Variants in ATAT1 observed in about 807,000 individuals in gnomAD.
The protein encoded by ATAT1 is alpha tubulin acetyltransferase 1.
In ATAT1, 42 loss-of-function variants were observed where a neutral mutation model predicts 57.2. The ratio of observed to expected loss-of-function variants is 0.73; its 90% CI spans 0.57 to 0.95. ATAT1 has a LOEUF of 0.95. Among genes scored for constraint, ATAT1 ranks in the 40% least tolerant of loss-of-function variants. The pLI is 0.00. For missense variants in ATAT1, 454 were observed against 523.7 expected (o/e 0.87, Z 1.30); for synonymous variants, 168 against 187.1 (o/e 0.90, Z 0.83).
chr6:30,630,914 G>C (rs1762723153), intron 6 of ATAT1, among the ~76,000 whole-genome samples: 1 of 151,936 alleles, frequency 6.6e-6, no homozygotes, highest in Non-Finnish European at 1.5e-5. Flanking sequence ...CTCCACCCTG[G>C]GGGACGAAGC....
In ATAT1 at chr6:30,633,712, G is replaced by A. The variant is rs773658030; in HGVS notation, c.501+5282G>A. The A allele has an allele frequency of 6.1e-5, 13 of 213,486 alleles. 1 individual carries two copies. The Admixed American group carries it at 6.8e-4, about 11-fold the overall frequency. The allele number at this position is 213,486 out of a possible 1,614,324, so 13.2% of individuals were successfully genotyped here. ...AGAAGTTGTGGAGGAGGCAGAAAGT[G>A]GAAGAGACGCCCATGCTAACGGGAA... is the stretch of plus-strand genomic sequence containing the variant. On this transcript the variant is annotated intron_variant, in intron 6 of 12. Transcript: ENST00000330083.
At position 30,642,328 on chromosome 6, in the gene ATAT1, G is replaced by A. The variant is rs1363329327; in HGVS notation, c.688+81G>A. 5.1e-6 allele frequency: 8 copies of A among 1,582,268 alleles called. No individual in the cohort carries two copies. The African/African-American group carries it at 9.5e-5, about 19-fold the overall frequency. Reference sequence around the variant, plus strand: ...AGAATGCTCAGGGGACCCAGGGAAAGGATTCGTTCTCTCTAAAGACTCAGA... The same window carrying A: ...AGAATGCTCAGGGGACCCAGGGAAAAGATTCGTTCTCTCTAAAGACTCAGA... On this transcript the variant is annotated intron_variant, in intron 9 of 12. Transcript: ENST00000330083.
At chr6:30,646,169 T>C (rs1265704511) in intron 12 of ATAT1, 60 bp downstream of exon 12, 6 of 1,571,074 alleles carry the variant, frequency 3.8e-6, no homozygotes, top group Non-Finnish European at 5.2e-6. Flanking sequence ...CTTCCTAACA[T>C]CATTCTCAGT....
rs938614306 is a variant in ATAT1 at position 30,626,954 on chromosome 6, G to T, written c.-250G>T. 6.2e-7 allele frequency: 1 copy of T among 1,606,682 alleles called. No homozygotes were observed. The highest frequency in any genetic ancestry group is 8.5e-7 in the Non-Finnish European group (1 of 1,177,294). ...TCACGGTGCTGGACCAGCACCTGAG[G>T]CCCCCAGCCCGCCGACCCGGAACCA... is the stretch of plus-strand genomic sequence containing the variant. On this transcript the variant is annotated 5_prime_UTR_variant, in exon 1 of 13. Coordinates refer to ENST00000330083, the MANE Select transcript of ATAT1 (RefSeq NM_001031722.4).
At chr6:30,641,112 CACAT>C (rs146345189) in intron 8 of ATAT1, among the ~76,000 whole-genome samples, 4,100 of 148,200 alleles carry the variant, frequency 0.028, 155 homozygotes, top group African/African-American at 0.084. Context: ...CCCATATACA[CACAT>C]ACACACACAC....
chr6:30,644,362 C>T (rs539153058), intron 10 of ATAT1: 1 of 985,844 alleles, frequency 1.0e-6, no homozygotes, highest in South Asian at 4.7e-5. Context: ...CCGATATACT[C>T]CTGTCTTGTG....
Position 30,627,247 on chromosome 6 carries a change from G to A in ATAT1, c.44G>A (p.Arg15Lys). Residue 15 changes from arginine (R) to lysine (K), a missense_variant, in exon 1 of 13, where the codon AGG becomes AAG. This residue lies in a region of ATAT1 where 236 missense variants were observed against 284.5 expected (regional missense o/e 0.83). Coordinates refer to ENST00000330083, the MANE Select transcript of ATAT1 (RefSeq NM_001031722.4). ...TTCTGCTTCCTCACAATAACCTTAA[G>A]GGAGGAGGGAGTGTGCCACCTTGAA... The A allele has an allele frequency of 1.2e-6, 2 of 1,613,948 alleles. No individual in the cohort carries two copies. Among genetic ancestry groups the A allele is most frequent in the Non-Finnish European group, 1.7e-6 (2 of 1,179,892 alleles).
At position 30,627,492 on chromosome 6, in the gene ATAT1, T is replaced by G. The variant is rs754026516; in HGVS notation, c.104T>G (p.Ile35Arg). 6.2e-7 allele frequency: 1 copy of G among 1,613,538 alleles called. No homozygotes were observed. The highest frequency in any genetic ancestry group is 8.5e-7 in the Non-Finnish European group (1 of 1,179,854). Residue 35 changes from isoleucine (I) to arginine (R), a missense_variant, in exon 2 of 13, where the codon ATA (isoleucine) becomes AGA (arginine). This residue lies in a region of ATAT1 where 236 missense variants were observed against 284.5 expected (regional missense o/e 0.83). Coordinates refer to ENST00000330083, the MANE Select transcript of ATAT1 (RefSeq NM_001031722.4). The stretch of plus-strand genomic sequence containing the variant: ...CTACAGCAGCAAATTATGACCATTA[T>G]AGATGAACTGGGCAAGGCTTCTGCC...
intron 6 of ATAT1, 131 bp downstream of exon 6, chr6:30,628,561 CT>C: frequency 1.3e-6 from 1 of 742,258 alleles, no homozygotes; most frequent in Non-Finnish European, 2.2e-6. Context: ...CTTTCTTTCT[CT>C]TGTGGTACCA....
At chr6:30,631,547 G>A (rs1033941091) in intron 6 of ATAT1, among the ~76,000 whole-genome samples, 8 of 152,084 alleles carry the variant, frequency 5.3e-5, no homozygotes, top group African/African-American at 1.9e-4. Flanking sequence ...GGGAGGCCGA[G>A]GTGGGTGGAT....
intron 12 of ATAT1, 25 bp downstream of exon 12, chr6:30,646,134 C>T (rs765341594): frequency 1.2e-6 from 2 of 1,600,990 alleles, no homozygotes; most frequent in Non-Finnish European, 1.7e-6. Context: ...CCTCCCCTAA[C>T]AGCCTCCCAC....
intron 10 of ATAT1, 77 bp downstream of exon 10, chr6:30,643,088 C>T (rs1401199968): frequency 8.5e-6 from 13 of 1,525,086 alleles, no homozygotes; most frequent in Non-Finnish European, 9.7e-6. Context: ...CAATTTGAAT[C>T]CATCAGAGAG....
chr6:30,638,549 C>T (rs1019096965), intron 6 of ATAT1, among the ~76,000 whole-genome samples: 1 of 151,046 alleles, frequency 6.6e-6, no homozygotes, highest in Non-Finnish European at 1.5e-5. Flanking sequence ...GGATTACAGG[C>T]GTGATCCACC....
rs2188098 is a variant in ATAT1, at chr6:30,646,203, T to C, written c.1055+94T>C. 12,333 of 1,522,544 alleles carry C rather than the reference T, an allele frequency of 8.1e-3. 73 individuals carry two copies. The highest frequency in any genetic ancestry group is 0.023 in the African/African-American group (1,668 of 72,486). The allele number at this position is 1,522,544 out of a possible 1,614,324, so 94.3% of individuals were successfully genotyped here. A position where few individuals can be genotyped will look rare whatever the true frequency, so the allele number is the denominator to read the frequency against. On this transcript the variant is annotated intron_variant, in intron 12 of 12. Coordinates refer to ENST00000330083, the MANE Select transcript of ATAT1 (RefSeq NM_001031722.4). Reference sequence around the variant, plus strand: ...GTCACTTCCTACTCTTAAATCTTATTGTATGAACTGGACACCAGCTCCTCC... The same window carrying C: ...GTCACTTCCTACTCTTAAATCTTATCGTATGAACTGGACACCAGCTCCTCC...
chr6:30,638,438 G>A (rs1274610893), intron 6 of ATAT1, among the ~76,000 whole-genome samples: 1 of 151,772 alleles, frequency 6.6e-6, no homozygotes, highest in Non-Finnish European at 1.5e-5. Context: ...GATTACAGGC[G>A]CACGTCACCA....
rs1761921822 is a variant in ATAT1, at chr6:30,627,441, A to C, written c.72-19A>C. On this transcript the variant is annotated intron_variant, in intron 1 of 12. Transcript: ENST00000330083. ...TAATTTAGTGAGTATCTGACTCTTT[A>C]TTTCTTCTCTTTCTCTAGTGTTGAT... 1.1e-5 allele frequency: 18 copies of C among 1,611,396 alleles called. 1 individual carries two copies. The highest frequency in any genetic ancestry group is 1.4e-5 in the Non-Finnish European group (17 of 1,177,804).
chr6:30,636,100 G>T (rs1764017493), intron 6 of ATAT1, among the ~76,000 whole-genome samples: 1 of 152,154 alleles, frequency 6.6e-6, no homozygotes, highest in Non-Finnish European at 1.5e-5. Context: ...TTAATCCATT[G>T]TAACATGATT....
intron 10 of ATAT1, chr6:30,643,964 T>G: frequency 1.9e-6 from 2 of 1,053,966 alleles, no homozygotes; most frequent in Middle Eastern, 4.5e-4. Flanking sequence ...ATCTATGGGA[T>G]AAACCCCATA....
intron 10 of ATAT1, chr6:30,643,458 T>C: frequency 6.5e-7 from 1 of 1,546,336 alleles, no homozygotes; most frequent in South Asian, 1.2e-5. Context: ...CTCTGACTTC[T>C]CTGTTTTTCT....
Sources: gnomAD v4.1 joint callset for allele counts (sites outside exome capture counted in the v4.1 genomes callset) on GRCh38, gnomAD v4.1.1 for gene constraint, gnomAD v4.1.1 regional missense constraint, MANE v1.5 for transcripts, NCBI Gene and HGNC (gene_info 2026-07-23, HGNC 2026-07-21) for gene names.